PTPRQ: variants seen among roughly 807,000 people sequenced by gnomAD.
The protein encoded by PTPRQ is protein tyrosine phosphatase receptor type Q.
In PTPRQ, 199 loss-of-function variants were observed where a neutral mutation model predicts 246.0. That is an observed-to-expected ratio of 0.81 (90% CI 0.72 to 0.91). PTPRQ has a LOEUF of 0.91. Ranked by LOEUF, PTPRQ falls within the 40% of genes least tolerant of loss-of-function variation. The pLI is 0.00. For missense variants in PTPRQ, 2,624 were observed against 2,528.4 expected, an observed-to-expected ratio of 1.04 and a Z score of -0.81; for synonymous variants, 869 against 853.2, an observed-to-expected ratio of 1.02 and a Z score of -0.32.
chr12:80,642,933 A>AAAAAAAAAC lies in PTPRQ; in HGVS notation c.5916-5956_5916-5955insCAAAAAAAA, dbSNP rs1565836974. On this transcript the variant is annotated intron_variant, in intron 35 of 44. Transcript: ENST00000644991. ...AGACTCCGTCTTAAAAAAAAAAAAAAAAAAAAAAAAAAACAATTGAGTATC... is the reference window on the plus strand; with the variant it reads ...AGACTCCGTCTTAAAAAAAAAAAAAAAAAAAAAACAAAAAAAAAAAAACAATTGAGTATC... 5.4e-4 allele frequency among the ~76,000 whole-genome samples: 78 copies of AAAAAAAAAC among 144,400 alleles called. 2 individuals are homozygous for AAAAAAAAAC. Among genetic ancestry groups the AAAAAAAAAC allele is most frequent in the African/African-American group, 2.0e-3 (75 of 36,614 alleles). The allele number at this position is 144,400 out of a possible 152,430, so 94.7% of individuals were successfully genotyped here.
intron 34 of PTPRQ, among the ~76,000 whole-genome samples, 181 bp downstream of exon 34, chr12:80,632,472 A>C (rs562229364): frequency 6.6e-6 from 1 of 152,246 alleles, no homozygotes; most frequent in South Asian, 2.1e-4. Context: ...TGCGTTGTGT[A>C]GTGACTAAAT....
At chr12:80,624,681 C>T (rs973730299) in intron 33 of PTPRQ, among the ~76,000 whole-genome samples, 6 of 152,118 alleles carry the variant, frequency 3.9e-5, no homozygotes, top group Non-Finnish European at 8.8e-5. Flanking sequence ...TTCTACCAGA[C>T]TATTGAGTGT....
chr12:80,577,923 C>T (rs1185713250), intron 25 of PTPRQ, among the ~76,000 whole-genome samples: 1 of 152,018 alleles, frequency 6.6e-6, no homozygotes, highest in African/African-American at 2.4e-5. Context: ...CTGGATTAAG[C>T]CAGGCTACCA....
intron 26 of PTPRQ, among the ~76,000 whole-genome samples, chr12:80,593,959 T>G (rs117135802): frequency 0.02 from 3,027 of 150,408 alleles, 48 homozygotes; most frequent in Non-Finnish European, 0.029. Context: ...GGGGTAACAC[T>G]TAGGTTGGGA....
rs1302063580 is a variant in PTPRQ at position 80,506,595 on chromosome 12, A to T, written c.2482A>T (p.Ile828Phe). 1 of 1,539,082 alleles carries T rather than the reference A, an allele frequency of 6.5e-7. No individual in the cohort carries two copies. Among genetic ancestry groups the T allele is most frequent in the East Asian group, 2.5e-5 (1 of 40,696 alleles). ...ACTGAAGAAATATACCCAATATATC[A>T]TTGAGGTGTCTGCTAGTACACTCAA... ...KVLKKYTQYI[I>F]EVSASTLKGE... is the part of the protein sequence containing the mutation. The change falls in exon 16 of 45, where the codon ATT (isoleucine) becomes TTT (phenylalanine). Residue 828 changes from isoleucine to phenylalanine, a missense_variant. Physicochemically the swap from Ile to Phe is conservative, Grantham distance 21 (BLOSUM62 0). Coordinates refer to ENST00000644991, the MANE Select transcript of PTPRQ (RefSeq NM_001145026.2).
chr12:80,594,010 C>A (rs1897887802), intron 26 of PTPRQ, among the ~76,000 whole-genome samples: 1 of 151,602 alleles, frequency 6.6e-6, no homozygotes, highest in African/African-American at 2.4e-5. Context: ...TTTAACTACC[C>A]AAACATCTGT....
intron 28 of PTPRQ, among the ~76,000 whole-genome samples, chr12:80,612,890 A>G (rs1898607475): frequency 6.6e-6 from 1 of 150,536 alleles, no homozygotes; most frequent in South Asian, 2.1e-4. Flanking sequence ...ACCTTGATGG[A>G]CCTCAAGGCC....
Position 80,459,315 on chromosome 12 carries a change from GGCCT to G in PTPRQ, c.493_496del (p.Ala165ThrfsTer8). 1 of 398,372 alleles carries G rather than the reference GGCCT, an allele frequency of 2.5e-6. No homozygotes were observed. Among genetic ancestry groups the G allele is most frequent in the Non-Finnish European group, 4.4e-6 (1 of 225,940 alleles). The allele number at this position is 398,372 out of a possible 1,614,324, so 24.7% of individuals were successfully genotyped here. A position where few individuals can be genotyped will look rare whatever the true frequency, so the allele number is the denominator to read the frequency against. On this transcript the variant is annotated frameshift_variant, in exon 5 of 45. Coordinates refer to ENST00000644991, the MANE Select transcript of PTPRQ (RefSeq NM_001145026.2). LOFTEE classifies it high-confidence loss of function. ...GAAAAGTGGTGAATCTCACAGTTGA[GGCCT>G]ACAACGCTTCAGCAGTTAAGCTGAT...
chr12:80,632,447 A>T (rs997757163), intron 34 of PTPRQ, among the ~76,000 whole-genome samples, 156 bp downstream of exon 34: 7 of 152,228 alleles, frequency 4.6e-5, no homozygotes, highest in Non-Finnish European at 1.0e-4. Context: ...ACAATATGAT[A>T]CTTTAAAGTG....
chr12:80,679,106 T>C lies in PTPRQ; in HGVS notation c.*83T>C. 17 of 1,480,474 alleles carry C rather than the reference T, an allele frequency of 1.1e-5. No homozygotes were observed. The South Asian group carries it at 2.1e-4, about 18-fold the overall frequency. 91.7% of individuals were successfully genotyped at this position (1,480,474 alleles called of 1,614,324 possible). ...ACCCCCTCATTCTTCCGAATTGAAATGTGCAACCTTAAAGAAATATCTATG... is the reference window on the plus strand; with the variant it reads ...ACCCCCTCATTCTTCCGAATTGAAACGTGCAACCTTAAAGAAATATCTATG... On this transcript the variant is annotated 3_prime_UTR_variant, in exon 45 of 45. Transcript: ENST00000644991.
At chr12:80,613,401 A>G (rs927938351) in intron 28 of PTPRQ, among the ~76,000 whole-genome samples, 191 bp from the exon 29 acceptor site, 2 of 150,756 alleles carry the variant, frequency 1.3e-5, no homozygotes, top group African/African-American at 2.4e-5. Flanking sequence ...CTGGATCACC[A>G]TTATGGTTGC....
intron 39 of PTPRQ, 29 bp from the exon 40 acceptor site, chr12:80,668,978 A>G (rs1942054145): frequency 2.6e-6 from 4 of 1,538,834 alleles, no homozygotes; most frequent in Non-Finnish European, 3.5e-6. Context: ...GAACACAGTG[A>G]TGCAGTGTTT....
chr12:80,627,024 T>A (rs1048655540), intron 33 of PTPRQ, among the ~76,000 whole-genome samples: 2 of 152,130 alleles, frequency 1.3e-5, no homozygotes, highest in South Asian at 2.1e-4. Context: ...ATGATGTTCA[T>A]CCCAATGGGG....
intron 17 of PTPRQ, among the ~76,000 whole-genome samples, chr12:80,516,880 G>A (rs561446315): frequency 6.6e-6 from 1 of 152,302 alleles, no homozygotes; most frequent in African/African-American, 2.4e-5. Flanking sequence ...TATGAAGGCA[G>A]CAGGAATGAC....
intron 17 of PTPRQ, among the ~76,000 whole-genome samples, chr12:80,525,517 G>A (rs144544692): frequency 4.6e-5 from 7 of 152,230 alleles, no homozygotes; most frequent in African/African-American, 1.7e-4. Flanking sequence ...AGAATAAGAA[G>A]TTTGAATTTT....
At position 80,579,926 on chromosome 12, in the gene PTPRQ, T is replaced by C. The variant is rs527783587; in HGVS notation, c.4286-8203T>C. Among the ~76,000 whole-genome samples, 11 of 152,216 alleles carry C rather than the reference T, an allele frequency of 7.2e-5. No individual in the cohort carries two copies. In the East Asian group the frequency reaches 2.1e-3, roughly 29 times the overall value. The stretch of plus-strand genomic sequence containing the variant: ...CAAATATAACTTTTCAGACATCTGT[T>C]TTGCTTAAAAGAGAGTACATCTGTT... On this transcript the variant is annotated intron_variant, in intron 25 of 44. Transcript: ENST00000644991.
intron 8 of PTPRQ, among the ~76,000 whole-genome samples, chr12:80,482,405 C>T (rs1441901190): frequency 1.3e-5 from 2 of 152,072 alleles, no homozygotes; most frequent in Non-Finnish European, 2.9e-5. Context: ...AATGTCAGAC[C>T]TAAAACCATA....
chr12:80,662,620 A>G (rs1038714290), intron 39 of PTPRQ, among the ~76,000 whole-genome samples: 3 of 152,030 alleles, frequency 2.0e-5, no homozygotes, highest in Non-Finnish European at 4.4e-5. Flanking sequence ...CATTTAATAA[A>G]TACATGTTAT....
At chr12:80,554,414 T>C (rs140663686) in intron 25 of PTPRQ, among the ~76,000 whole-genome samples, 163 of 152,280 alleles carry the variant, frequency 1.1e-3, no homozygotes, top group African/African-American at 3.3e-3. Flanking sequence ...ATGTTGGGAT[T>C]TAATATTTGG....
Sources: allele counts gnomAD v4.1 joint callset (sites outside exome capture counted in the v4.1 genomes callset), GRCh38; gene constraint gnomAD v4.1.1; transcripts MANE v1.5; gene names NCBI Gene and HGNC (gene_info 2026-07-23, HGNC 2026-07-21).